Variants in RTTN observed in about 807,000 individuals in gnomAD.
RTTN encodes rotatin.
A neutral mutation model predicts 269.2 loss-of-function variants in RTTN; 182 were observed. The ratio of observed to expected loss-of-function variants is 0.68; its 90% confidence interval spans 0.60 to 0.76. The LOEUF (loss-of-function observed/expected upper bound fraction) is 0.76, where lower values mean the gene tolerates loss of function less well. Among genes scored for constraint, RTTN ranks in the 30% least tolerant of loss-of-function variants. The probability of loss-of-function intolerance (pLI) is 0.00; values close to 1 mark genes in which losing one functional copy is unlikely to be tolerated. For missense variants in RTTN, 2,545 were observed against 2,608.6 expected (o/e 0.98, Z 0.53); for synonymous variants, 1,006 against 963.5 (o/e 1.04, Z -0.82).
chr18:70,159,242 C>A (rs115233169), intron 14 of RTTN, among the ~76,000 whole-genome samples: 2,930 of 152,230 alleles, frequency 0.019, 96 homozygotes, highest in African/African-American at 0.065. Context: ...ACCACACTCT[C>A]AGGCCACAGT....
intron 38 of RTTN, among the ~76,000 whole-genome samples, chr18:70,052,357 T>C (rs1278790358): frequency 6.6e-6 from 1 of 152,198 alleles, no homozygotes; most frequent in African/African-American, 2.4e-5. Flanking sequence ...TTGTCATTAG[T>C]GGCTCTCTAA....
At chr18:70,087,598 AT>A (rs1468496662) in intron 31 of RTTN, among the ~76,000 whole-genome samples, 1 of 152,128 alleles carries the variant, frequency 6.6e-6, no homozygotes, top group African/African-American at 2.4e-5. Context: ...AATAGGGTTT[AT>A]TTTTCCCTCT....
chr18:70,107,192 C>A, intron 28 of RTTN, among the ~76,000 whole-genome samples: 1 of 152,104 alleles, frequency 6.6e-6, no homozygotes, highest in Admixed American at 6.5e-5. Context: ...TAGCTATGCC[C>A]CAAGGAGAGC....
intron 32 of RTTN, among the ~76,000 whole-genome samples, chr18:70,080,548 G>T (rs2058537553): frequency 6.6e-6 from 1 of 152,126 alleles, no homozygotes; most frequent in African/African-American, 2.4e-5. Flanking sequence ...ATCCATGCTG[G>T]TGTAAATAAG....
intron 46 of RTTN, chr18:70,007,835 G>T (rs765304714): frequency 1.3e-5 from 2 of 152,494 alleles, no homozygotes; most frequent in African/African-American, 2.4e-5. Context: ...TGCAGCTTCA[G>T]CAGACTTAAA....
intron 27 of RTTN, 99 bp from the exon 28 acceptor site, chr18:70,109,816 T>C (rs2059416210): frequency 1.1e-6 from 1 of 891,792 alleles, no homozygotes; most frequent in South Asian, 1.6e-5. Context: ...CTCATAGTAA[T>C]AGAAAAAAAT....
At chr18:70,017,212 C>T (rs1216477883) in intron 46 of RTTN, among the ~76,000 whole-genome samples, 195 bp downstream of exon 46, 2 of 152,218 alleles carry the variant, frequency 1.3e-5, no homozygotes, top group African/African-American at 2.4e-5. Context: ...ACATGATTTG[C>T]TAACCTCAGG....
chr18:70,197,824 CA>C lies in RTTN; in HGVS notation c.579-87del. 3 of 830,952 alleles carry C rather than the reference CA, an allele frequency of 3.6e-6. No homozygotes were observed. In the South Asian group the frequency reaches 4.5e-5, roughly 12 times the overall value. The allele number at this position is 830,952 out of a possible 1,614,324, so 51.5% of individuals were successfully genotyped here. A position where few individuals can be genotyped will look rare whatever the true frequency, so the allele number is the denominator to read the frequency against. On this transcript the variant is annotated intron_variant, in intron 5 of 48. Coordinates refer to ENST00000640769, the MANE Select transcript of RTTN (RefSeq NM_173630.4). Reference sequence around the variant, plus strand: ...CCTACTGACACAATGACTCCATTAACAATCTTTTGGGTCTCAGCTGAGATAT... The same window carrying C: ...CCTACTGACACAATGACTCCATTAACATCTTTTGGGTCTCAGCTGAGATAT...
chr18:70,126,153 C>T (rs1028602118), intron 25 of RTTN, among the ~76,000 whole-genome samples: 1 of 152,032 alleles, frequency 6.6e-6, no homozygotes, highest in Non-Finnish European at 1.5e-5. Context: ...TGCTATTGGG[C>T]AATTTGAAAT....
rs1263122711 is a variant in RTTN, at chr18:70,006,390, A to T, written c.6516T>A (p.Asn2172Lys). The change falls in exon 47 of 49, where the codon AAT becomes AAA. Residue 2172 changes from asparagine (N) to lysine (K), a missense_variant. Transcript: ENST00000640769. ...GATTTTTAAAACTGACCTTCTGATA[A>T]TTGTAAATCAGAGCCCAAAGGGCAG... ...GAAALWALIYNYQKAKTALKS... is the reference protein window; with the variant it reads ...GAAALWALIYKYQKAKTALKS... 1 of 1,612,212 alleles carries T rather than the reference A, an allele frequency of 6.2e-7. No individual in the cohort carries two copies. The highest frequency in any genetic ancestry group is 8.5e-7 in the Non-Finnish European group (1 of 1,178,238).
chr18:70,119,616 C>A (rs972718374), intron 26 of RTTN, among the ~76,000 whole-genome samples: 1 of 152,136 alleles, frequency 6.6e-6, no homozygotes, highest in African/African-American at 2.4e-5. Context: ...AAATCTCCAT[C>A]TAATTCAAAA....
chr18:70,127,307 T>C (rs2059889740), intron 25 of RTTN, among the ~76,000 whole-genome samples, 195 bp downstream of exon 25: 1 of 152,208 alleles, frequency 6.6e-6, no homozygotes, highest in Non-Finnish European at 1.5e-5. Context: ...AGTTTATTAA[T>C]AATCCCTTCA....
chr18:70,050,553 C>T (rs577169494), intron 39 of RTTN, among the ~76,000 whole-genome samples: 55 of 152,274 alleles, frequency 3.6e-4, no homozygotes, highest in African/African-American at 1.3e-3. Flanking sequence ...TACCATTTGA[C>T]CCAACAATCC....
Position 70,185,650 on chromosome 18 carries a change from A to C in RTTN, c.1305+2458T>G, listed in dbSNP as rs2061527191. ...GCAATTAGGCAATTTAAAAAAATTA[A>C]AGGTATCCAGAGTGAATAGAAAGAA... On this transcript the variant is annotated intron_variant, in intron 10 of 48. Transcript: ENST00000640769. Among the ~76,000 whole-genome samples the C allele has an allele frequency of 1.3e-5, 2 of 152,192 alleles. 1 individual carries two copies. The highest frequency in any genetic ancestry group is 4.1e-4 in the South Asian group (2 of 4,836).
chr18:70,134,904 T>C (rs992706284), intron 22 of RTTN, among the ~76,000 whole-genome samples: 2 of 152,192 alleles, frequency 1.3e-5, no homozygotes, highest in Non-Finnish European at 2.9e-5. Context: ...AAAAAACACA[T>C]AGTTGAAGGT....
chr18:70,105,828 AT>A (rs1390042222), intron 28 of RTTN, among the ~76,000 whole-genome samples: 6 of 152,108 alleles, frequency 3.9e-5, no homozygotes, highest in African/African-American at 1.4e-4. Context: ...AATAAAACAT[AT>A]TTTTATAATC....
chr18:70,173,790 T>C (rs1179308559), intron 11 of RTTN, among the ~76,000 whole-genome samples: 1 of 152,192 alleles, frequency 6.6e-6, no homozygotes, highest in Non-Finnish European at 1.5e-5. Flanking sequence ...TAAAGAAATA[T>C]TTACACATAT....
intron 40 of RTTN, among the ~76,000 whole-genome samples, chr18:70,039,336 T>C (rs1019529917): frequency 6.6e-6 from 1 of 151,046 alleles, no homozygotes; most frequent in Admixed American, 6.6e-5. Flanking sequence ...CAACATACAA[T>C]GGACCTCCAA....
At chr18:70,197,139 C>T (rs2061829876) in intron 6 of RTTN, among the ~76,000 whole-genome samples, 1 of 152,110 alleles carries the variant, frequency 6.6e-6, no homozygotes, top group East Asian at 1.9e-4. Flanking sequence ...AATGCTGAGC[C>T]ATTACTGGCT....
Sources: gnomAD v4.1 joint callset for allele counts (sites outside exome capture counted in the v4.1 genomes callset) on GRCh38, gnomAD v4.1.1 for gene constraint, MANE v1.5 for transcripts, NCBI Gene and HGNC (gene_info 2026-07-23, HGNC 2026-07-21) for gene names.